Variants in NPC1 observed in about 807,000 individuals in gnomAD.
NPC1 encodes NPC intracellular cholesterol transporter 1.
Under a neutral mutation model 140.4 loss-of-function variants are expected in NPC1, and 85 were observed. The observed-to-expected ratio is 0.61, with a 90% CI of 0.51 to 0.72. NPC1 has a LOEUF of 0.72. Ranked by LOEUF, NPC1 falls within the 30% of genes least tolerant of loss-of-function variation. The probability of loss-of-function intolerance (pLI) is 0.00; values close to 1 mark genes in which losing one functional copy is unlikely to be tolerated. For missense variants in NPC1, 1,504 were observed against 1,623.8 expected (o/e 0.93, Z 1.27); for synonymous variants, 656 against 624.8 (o/e 1.05, Z -0.74).
At chr18:23,518,567 G>A (rs1269209601), downstream of NPC1, among the ~76,000 whole-genome samples, 1 of 152,006 alleles carries the variant, frequency 6.6e-6, no homozygotes, top group Non-Finnish European at 1.5e-5. Flanking sequence ...TACAAAACTT[G>A]GAAAACAGAG....
chr18:23,577,934 C>T (rs1599021159), intron 1 of NPC1, among the ~76,000 whole-genome samples: 2 of 152,242 alleles, frequency 1.3e-5, no homozygotes, highest in African/African-American at 4.8e-5. Context: ...AGTGTGGGGC[C>T]CACCAAGCCC....
chr18:23,544,946 C>CCCCA lies in NPC1; in HGVS notation c.1947+13_1947+14insTGGG, dbSNP rs1555634644. On this transcript the variant is annotated intron_variant, in intron 12 of 24. Coordinates refer to ENST00000269228, the MANE Select transcript of NPC1 (RefSeq NM_000271.5). ...GTTAACCTCTAGAACATACACCACC[C>CCCCA]CCCCCCGGCTTACCAGAAGCCTGCG... 1.6e-5 allele frequency: 21 copies of CCCCA among 1,329,702 alleles called. 1 individual carries two copies. In the East Asian group the frequency reaches 1.9e-4, roughly 12 times the overall value. The allele number at this position is 1,329,702 out of a possible 1,614,324, so 82.4% of individuals were successfully genotyped here. A position where few individuals can be genotyped will look rare whatever the true frequency, so the allele number is the denominator to read the frequency against.
At chr18:23,536,604 A>ACCCTC in intron 21 of NPC1, 69 bp downstream of exon 21, 1 of 1,387,898 alleles carries the variant, frequency 7.2e-7, no homozygotes. Flanking sequence ...TGCCAAGGGA[A>ACCCTC]CCCTCCCCAC....
At chr18:23,564,265 T>C (rs2059089254) in intron 4 of NPC1, among the ~76,000 whole-genome samples, 1 of 152,242 alleles carries the variant, frequency 6.6e-6, no homozygotes, top group Non-Finnish European at 1.5e-5. Flanking sequence ...ATTACAGGCA[T>C]GAGCCACAGC....
At chr18:23,566,323 G>T (rs1157484841) in intron 4 of NPC1, among the ~76,000 whole-genome samples, 1 of 152,194 alleles carries the variant, frequency 6.6e-6, no homozygotes, top group East Asian at 1.9e-4. Flanking sequence ...GGTTGAGGCT[G>T]CAGTGAGCCA....
intron 7 of NPC1, 157 bp from the exon 8 acceptor site, chr18:23,556,770 C>T (rs1005217943): frequency 8.5e-6 from 10 of 1,179,710 alleles, no homozygotes; most frequent in Non-Finnish European, 1.1e-5. Context: ...ATCTGCTCAG[C>T]AAAGCCACCT....
intron 3 of NPC1, chr18:23,516,461 CTTTCAGTAATA>C: frequency 1.3e-6 from 2 of 1,588,196 alleles, no homozygotes; most frequent in Non-Finnish European, 1.7e-6. Context: ...CCTGTGATTG[CTTTCAGTAATA>C]TAAATAATAG....
At chr18:23,558,837 G>A (rs560100240) in intron 6 of NPC1, among the ~76,000 whole-genome samples, 8 of 152,126 alleles carry the variant, frequency 5.3e-5, no homozygotes, top group African/African-American at 1.9e-4. Flanking sequence ...TCGTCATTTA[G>A]CATTAGGTAT....
chr18:23,556,481 G>A lies in NPC1; in HGVS notation c.1088C>T (p.Ala363Val), dbSNP rs774588125. ...VIFFSLVFIT[A>V]CSSGLVFVRV... is the part of the protein sequence containing the mutation. ...GACAAACACCAGGCCTGACGAACAC[G>A]CAGTAATGAAGACCAGCGAGAAGAA... Residue 363 changes from alanine (A) to valine (V), a missense_variant, in exon 8 of 25, where the codon GCG becomes GTG. Ala to Val is a moderately conservative substitution (Grantham distance 64, BLOSUM62 0). Coordinates refer to ENST00000269228, the MANE Select transcript of NPC1 (RefSeq NM_000271.5). 12 of 1,613,970 alleles carry A rather than the reference G, an allele frequency of 7.4e-6. No homozygotes were observed. Among genetic ancestry groups the A allele is most frequent in the South Asian group, 6.6e-5 (6 of 91,072 alleles).
In NPC1 at chr18:23,535,511, C is replaced by T. The variant is rs753637056; in HGVS notation, c.3435G>A (p.Trp1145Ter). ...LVNMFGVMWL[W>*]GISLNAVSLV... ...AGGATACAGCGTTCAGACTGATGCC[C>T]CAGAGCCACATAACTCCAAACATGT... Residue 1145 changes from tryptophan to a stop codon, truncating the protein, a stop_gained, in exon 22 of 25, where the codon TGG becomes TGA. Transcript: ENST00000269228. LOFTEE classifies it high-confidence loss of function. 1.9e-6 allele frequency: 3 copies of T among 1,613,872 alleles called. No individual in the cohort carries two copies. Among genetic ancestry groups the T allele is most frequent in the Non-Finnish European group, 2.5e-6 (3 of 1,179,902 alleles).
chr18:23,575,082 G>C (rs1567982528), intron 1 of NPC1, among the ~76,000 whole-genome samples: 1 of 152,178 alleles, frequency 6.6e-6, no homozygotes, highest in Non-Finnish European at 1.5e-5. Flanking sequence ...AACTCTCCAG[G>C]GATTGGCCTG....
At chr18:23,568,414 T>G (rs1346947386) in intron 4 of NPC1, among the ~76,000 whole-genome samples, 3 of 152,234 alleles carry the variant, frequency 2.0e-5, no homozygotes, top group African/African-American at 7.2e-5. Flanking sequence ...TTAGACCTGC[T>G]GACTTTCCTT....
At position 23,516,432 on chromosome 18, in the gene NPC1, G is replaced by A. The variant is rs185178985; in HGVS notation, c.432-9790C>T. On this transcript the variant is annotated intron_variant, in intron 3 of 3. Transcript: ENST00000591107. ...ATCGCAATGGCTACCATGTATGTCC[G>A]TGTCAGAGAGAATTCCATCCTGTGA... The A allele has an allele frequency of 3.8e-5, 61 of 1,611,632 alleles. No homozygotes were observed. The African/African-American group carries it at 5.5e-4, about 14-fold the overall frequency.
chr18:23,506,705 G>A (rs2057725875), intron 3 of NPC1: 1 of 340,958 alleles, frequency 2.9e-6, no homozygotes, highest in African/African-American at 2.2e-5. Flanking sequence ...TATTTATGTT[G>A]GAACAATTCT....
At chr18:23,524,375 G>C, downstream of NPC1, 2 of 1,595,804 alleles carry the variant, frequency 1.3e-6, no homozygotes, top group Non-Finnish European at 1.7e-6. Flanking sequence ...GCGGAAACTG[G>C]GTTTGCTTTT....
At chr18:23,579,425 T>C (rs901380708) in intron 1 of NPC1, among the ~76,000 whole-genome samples, 1 of 152,198 alleles carries the variant, frequency 6.6e-6, no homozygotes, top group Non-Finnish European at 1.5e-5. Context: ...GAAGTGCTGA[T>C]TGTTTTGGCT....
intron 3 of NPC1, chr18:23,506,998 A>C: frequency 1.9e-6 from 3 of 1,609,670 alleles, no homozygotes; most frequent in East Asian, 2.2e-5. Flanking sequence ...AGTGAAGTGC[A>C]TTAAGTTTTC....
At chr18:23,574,933 G>A (rs1418372814) in intron 1 of NPC1, among the ~76,000 whole-genome samples, 1 of 152,134 alleles carries the variant, frequency 6.6e-6, no homozygotes, top group African/African-American at 2.4e-5. Context: ...CCAACTAATG[G>A]AAAAAAGTCC....
chr18:23,551,905 T>C (rs1053693128), intron 9 of NPC1, among the ~76,000 whole-genome samples, 178 bp from the exon 10 acceptor site: 2 of 152,196 alleles, frequency 1.3e-5, no homozygotes, highest in African/African-American at 4.8e-5. Flanking sequence ...TCAGAATCAC[T>C]GGGCAAGAGG....
Sources: allele counts gnomAD v4.1 joint callset (sites outside exome capture counted in the v4.1 genomes callset), GRCh38; gene constraint gnomAD v4.1.1; transcripts MANE v1.5; gene names NCBI Gene and HGNC (gene_info 2026-07-23, HGNC 2026-07-21).